Variants in ZDHHC23 observed in about 807,000 individuals in gnomAD.
ZDHHC23 encodes zDHHC palmitoyltransferase 23.
In ZDHHC23, 41 loss-of-function variants were observed where a neutral mutation model predicts 40.2. That is an observed-to-expected ratio of 1.02 (90% CI 0.79 to 1.32). The LOEUF is 1.32. ZDHHC23 is among the 40% of genes most tolerant of loss of function. ZDHHC23 has a pLI of 0.00. For synonymous variants in ZDHHC23, 204 were observed against 210.2 expected (o/e 0.97, Z 0.26); for missense variants, 471 against 541.5 (o/e 0.87, Z 1.29).
downstream of ZDHHC23, among the ~76,000 whole-genome samples, chr3:113,968,100 T>C (rs1426844359): frequency 6.6e-6 from 1 of 152,248 alleles, no homozygotes; most frequent in East Asian, 1.9e-4. Flanking sequence ...ATCACGGACA[T>C]GCAAATATCT....
In ZDHHC23 at chr3:113,955,389, T is replaced by TGTGTGTGTGTGTGC. The variant is rs368956826; in HGVS notation, c.873-947_873-946insTGTGTGTGTGCGTG. ...GTGTGTGTGTGTGTGTGTGTGTGTG[T>TGTGTGTGTGTGTGC]GTGCGTGTGTGTTCCATTTACAAAT... On this transcript the variant is annotated intron_variant, in intron 3 of 4. Coordinates refer to ENST00000638807, the MANE Select transcript of ZDHHC23 (RefSeq NM_001320466.2). Among the ~76,000 whole-genome samples, 90 of 140,252 alleles carry TGTGTGTGTGTGTGC rather than the reference T, an allele frequency of 6.4e-4. 2 individuals are homozygous for TGTGTGTGTGTGTGC. The highest frequency in any genetic ancestry group is 2.3e-3 in the African/African-American group (86 of 37,690). The allele number at this position is 140,252 out of a possible 152,430, so 92.0% of individuals were successfully genotyped here.
At chr3:113,966,986 C>G (rs1260907832), downstream of ZDHHC23, among the ~76,000 whole-genome samples, 1 of 152,002 alleles carries the variant, frequency 6.6e-6, no homozygotes, top group Non-Finnish European at 1.5e-5. Context: ...GTAATCCCAG[C>G]TACTTGGGAG....
chr3:113,969,400 G>A (rs1392865799), downstream of ZDHHC23, among the ~76,000 whole-genome samples: 5 of 152,128 alleles, frequency 3.3e-5, no homozygotes, highest in African/African-American at 4.8e-5. Flanking sequence ...TGCTTTTGAG[G>A]TCTTACACAA....
At chr3:113,957,962 C>G (rs1177666537) in intron 4 of ZDHHC23, 1 of 377,642 alleles carries the variant, frequency 2.6e-6, no homozygotes, top group East Asian at 6.7e-5. Context: ...CGGCATCCAC[C>G]TGCAGCTTCC....
chr3:113,951,744 T>C (rs1182272018), intron 2 of ZDHHC23, among the ~76,000 whole-genome samples: 4 of 152,220 alleles, frequency 2.6e-5, no homozygotes, highest in Non-Finnish European at 4.4e-5. Flanking sequence ...CTTGCTGTTC[T>C]CTCCCAAACA....
chr3:113,963,814 G>T (rs1270611229), downstream of ZDHHC23, among the ~76,000 whole-genome samples: 1 of 152,122 alleles, frequency 6.6e-6, no homozygotes, highest in South Asian at 2.1e-4. Flanking sequence ...ATATCAGCCA[G>T]TATTTTGTAA....
At chr3:113,975,170 C>CTAA in the ZDHHC23 span, among the ~76,000 whole-genome samples, 993 of 152,222 alleles carry the variant, frequency 6.5e-3, 8 homozygotes, top group Admixed American at 0.011. Flanking sequence ...GGTAGCAAGA[C>CTAA]AATATCAGAC....
rs370247068 is a variant in ZDHHC23 at position 113,962,649 on chromosome 3, G to C, written c.*4019G>C. On this transcript the variant is annotated 3_prime_UTR_variant, in exon 5 of 5. Coordinates refer to ENST00000638807, the MANE Select transcript of ZDHHC23 (RefSeq NM_001320466.2). ...AATGGTCTGGGTGATTGGATGGTTT[G>C]AGTTGTTAGGGATTTTGAGTTTTTC... 3.3e-5 allele frequency: 5 copies of C among 152,194 alleles called. No individual in the cohort carries two copies. Among genetic ancestry groups the C allele is most frequent in the Admixed American group, 1.3e-4 (2 of 15,288 alleles). The allele number at this position is 152,194 out of a possible 1,614,324, so 9.4% of individuals were successfully genotyped here.
At chr3:113,974,444 C>T in the ZDHHC23 span, among the ~76,000 whole-genome samples, 4 of 152,060 alleles carry the variant, frequency 2.6e-5, no homozygotes, top group African/African-American at 4.8e-5. Flanking sequence ...CTCAGGCTTC[C>T]GAGTAGGTGG....
At chr3:113,963,766 A>G (rs1006268676), downstream of ZDHHC23, among the ~76,000 whole-genome samples, 86 of 152,050 alleles carry the variant, frequency 5.7e-4, 1 homozygote, top group African/African-American at 2.0e-3. Flanking sequence ...CACAGAACAA[A>G]CAAAATAATA....
the ZDHHC23 span, among the ~76,000 whole-genome samples, chr3:113,976,786 G>A: frequency 6.6e-6 from 1 of 152,174 alleles, no homozygotes; most frequent in African/African-American, 2.4e-5. Flanking sequence ...GAGGAACAGG[G>A]AGGCTTTGAA....
chr3:113,955,391 T>TGCGCGCGCGTGTGTGTGCGCGC (rs937830416), intron 3 of ZDHHC23, among the ~76,000 whole-genome samples: 13 of 149,178 alleles, frequency 8.7e-5, no homozygotes, highest in African/African-American at 3.0e-4. Flanking sequence ...TGTGTGTGTG[T>TGCGCGCGCGTGTGTGTGCGCGC]GCGTGTGTGT....
chr3:113,967,115 G>T (rs1340343095), downstream of ZDHHC23, among the ~76,000 whole-genome samples: 1 of 151,518 alleles, frequency 6.6e-6, no homozygotes, highest in Admixed American at 6.6e-5. Flanking sequence ...AAGAAAAAAA[G>T]AAAAAAAGAA....
At chr3:113,955,158 C>T (rs1939049916) in intron 3 of ZDHHC23, among the ~76,000 whole-genome samples, 1 of 152,162 alleles carries the variant, frequency 6.6e-6, no homozygotes, top group Non-Finnish European at 1.5e-5. Flanking sequence ...CTTTTCGTGT[C>T]TAGGATTCTG....
the ZDHHC23 span, chr3:113,978,456 G>A: frequency 1.0e-6 from 1 of 978,892 alleles, no homozygotes; most frequent in Middle Eastern, 3.2e-4. Flanking sequence ...GACATACAAA[G>A]AAAAGGATAA....
At chr3:113,966,083 G>A (rs549632578), downstream of ZDHHC23, among the ~76,000 whole-genome samples, 58 of 152,182 alleles carry the variant, frequency 3.8e-4, no homozygotes, top group Non-Finnish European at 7.5e-4. Context: ...AACCCTCAAC[G>A]CAAAAATGAT....
downstream of ZDHHC23, among the ~76,000 whole-genome samples, chr3:113,967,744 C>A (rs1940358530): frequency 6.6e-6 from 1 of 152,178 alleles, no homozygotes. Flanking sequence ...TTGCTTCTAT[C>A]TAACTGTATA....
At chr3:113,973,673 A>T in the ZDHHC23 span, among the ~76,000 whole-genome samples, 1 of 151,240 alleles carries the variant, frequency 6.6e-6, no homozygotes, top group Non-Finnish European at 1.5e-5. Context: ...GTTTCTGCTG[A>T]GAAGTCTGTT....
At position 113,959,068 on chromosome 3, in the gene ZDHHC23, C is replaced by T; in HGVS notation, c.*438C>T. 1.0e-6 allele frequency: 1 copy of T among 958,294 alleles called. No individual in the cohort carries two copies. 59.4% of individuals were successfully genotyped at this position (958,294 alleles called of 1,614,324 possible). Reference sequence around the variant, plus strand: ...GCAAAGTGGGGTACTGATGCCTGCCCTGGCTACCTCACAGAGCCGTCATGA... The same window carrying T: ...GCAAAGTGGGGTACTGATGCCTGCCTTGGCTACCTCACAGAGCCGTCATGA... On this transcript the variant is annotated 3_prime_UTR_variant, in exon 5 of 5. Coordinates refer to ENST00000638807, the MANE Select transcript of ZDHHC23 (RefSeq NM_001320466.2).
Sources: gnomAD v4.1 joint callset for allele counts (sites outside exome capture counted in the v4.1 genomes callset) on GRCh38, gnomAD v4.1.1 for gene constraint, MANE v1.5 for transcripts, NCBI Gene and HGNC (gene_info 2026-07-23, HGNC 2026-07-21) for gene names.